Variants in CHD2 observed in about 807,000 individuals in gnomAD.
CHD2 encodes the protein chromodomain helicase DNA binding protein 2.
CHD2 carries 28 observed loss-of-function variants against 243.9 expected under a neutral mutation model. That is an observed-to-expected ratio of 0.11 (90% confidence interval 0.09 to 0.16). CHD2 has a LOEUF of 0.16. CHD2 is among the 10% of genes least tolerant of loss of function. The probability of loss-of-function intolerance (pLI) is 1.00; values close to 1 mark genes in which losing one functional copy is unlikely to be tolerated. For synonymous variants in CHD2, 775 were observed against 779.0 expected (o/e 0.99, Z 0.09); for missense variants, 1,386 against 2,209.8 (o/e 0.63, Z 7.47).
chr15:93,024,259 T>G, intron 38 of CHD2, 113 bp from the exon 39 acceptor site: 29 of 892,744 alleles, frequency 3.2e-5, no homozygotes, highest in Non-Finnish European at 4.8e-5. Flanking sequence ...CCTAATAATG[T>G]GAGCATTTGT....
At chr15:92,941,786 T>A (rs769798825) in intron 7 of CHD2, 36 bp from the exon 8 acceptor site, 86 of 1,604,944 alleles carry the variant, frequency 5.4e-5, no homozygotes, top group Non-Finnish European at 7.2e-5. Flanking sequence ...TCTGAAGAGA[T>A]CATTTCTCAT....
intron 1 of CHD2, 99 bp from the exon 2 acceptor site, chr15:92,901,068 G>T: frequency 1.6e-6 from 1 of 641,450 alleles, no homozygotes; most frequent in Non-Finnish European, 2.8e-6. Context: ...TACCGTTGTT[G>T]TGTTATAACA....
intron 2 of CHD2, among the ~76,000 whole-genome samples, chr15:92,903,645 A>G (rs2052563401): frequency 6.6e-6 from 1 of 152,224 alleles, no homozygotes; most frequent in African/African-American, 2.4e-5. Flanking sequence ...AGTTCTAATG[A>G]TGGACATACG....
intron 25 of CHD2, 144 bp from the exon 26 acceptor site, chr15:92,985,354 C>G: frequency 1.5e-6 from 1 of 685,304 alleles, no homozygotes; most frequent in East Asian, 2.9e-5. Context: ...AGACCTGTCT[C>G]CCCTTATTTG....
At chr15:92,975,000 GGGGAAAGTCTCTCTC>G in intron 20 of CHD2, 50 bp downstream of exon 20, 1 of 1,445,294 alleles carries the variant, frequency 6.9e-7, no homozygotes, top group Middle Eastern at 1.8e-4. Flanking sequence ...TCTGCATCAA[GGGGAAAGTCTCTCTC>G]GCTTAATGTA....
chr15:92,981,554 C>G, intron 24 of CHD2, 97 bp downstream of exon 24: 1 of 882,198 alleles, frequency 1.1e-6, no homozygotes, highest in Non-Finnish European at 1.8e-6. Context: ...CTCTGCTTTT[C>G]TCTTTACCTG....
chr15:92,977,153 A>C (rs1167558875), intron 20 of CHD2, among the ~76,000 whole-genome samples: 1 of 152,112 alleles, frequency 6.6e-6, no homozygotes, highest in Non-Finnish European at 1.5e-5. Flanking sequence ...TAAATTGTCC[A>C]CTGTTTATCT....
Position 93,009,132 on chromosome 15 carries a change from T to C in CHD2, c.4414-13T>C, listed in dbSNP as rs1301358931. 1 of 1,613,508 alleles carries C rather than the reference T, an allele frequency of 6.2e-7. No individual in the cohort carries two copies. Among genetic ancestry groups the C allele is most frequent in the East Asian group, 2.2e-5 (1 of 44,872 alleles). Reference sequence around the variant, plus strand: ...CAGATTGTTTATGTCTTTACTCTGTTGTCCTGTTGCAGTGTAAGGAGAGGA... The same window carrying C: ...CAGATTGTTTATGTCTTTACTCTGTCGTCCTGTTGCAGTGTAAGGAGAGGA... On this transcript the variant is annotated splice_polypyrimidine_tract_variant and intron_variant, in intron 34 of 38. Coordinates refer to ENST00000394196, the MANE Select transcript of CHD2 (RefSeq NM_001271.4).
Position 93,027,801 on chromosome 15 carries a change from T to C in CHD2, c.*3096T>C, listed in dbSNP as rs2054598112. On this transcript the variant is annotated 3_prime_UTR_variant, in exon 39 of 39. Transcript: ENST00000394196. ...CATCTGGGGACAGATGGTTTTTCTT[T>C]ATTGTAAAATTGTGGACTTTTAAAA... 6.6e-6 allele frequency: 1 copy of C among 152,644 alleles called. No homozygotes were observed. The highest frequency in any genetic ancestry group is 1.5e-5 in the Non-Finnish European group (1 of 68,044). The allele number at this position is 152,644 out of a possible 1,614,324, so 9.5% of individuals were successfully genotyped here. A position where few individuals can be genotyped will look rare whatever the true frequency, so the allele number is the denominator to read the frequency against.
At chr15:92,906,097 A>G (rs979540219) in intron 2 of CHD2, among the ~76,000 whole-genome samples, 2 of 152,240 alleles carry the variant, frequency 1.3e-5, no homozygotes, top group East Asian at 1.9e-4. Context: ...TGATATAACA[A>G]TTTACCTATT....
At chr15:92,977,079 A>G (rs1214871544) in intron 20 of CHD2, among the ~76,000 whole-genome samples, 1 of 152,162 alleles carries the variant, frequency 6.6e-6, no homozygotes, top group Non-Finnish European at 1.5e-5. Context: ...AGAGTGATAT[A>G]GCAGATTGTT....
At chr15:92,982,820 G>A (rs2053996405) in intron 24 of CHD2, among the ~76,000 whole-genome samples, 1 of 152,186 alleles carries the variant, frequency 6.6e-6, no homozygotes, top group Non-Finnish European at 1.5e-5. Context: ...TAATGGGTTA[G>A]GATGCAGAGG....
At chr15:92,954,017 A>G (rs543264096) in intron 14 of CHD2, 1 of 157,788 alleles carries the variant, frequency 6.3e-6, no homozygotes, top group Non-Finnish European at 1.4e-5. Flanking sequence ...AAAGTAAAGG[A>G]AAACAAGCTA....
intron 2 of CHD2, among the ~76,000 whole-genome samples, chr15:92,905,599 C>G (rs1019310791): frequency 3.9e-5 from 6 of 152,128 alleles, no homozygotes; most frequent in African/African-American, 1.2e-4. Flanking sequence ...TGTCAAGTTT[C>G]TGAATACAGT....
intron 20 of CHD2, among the ~76,000 whole-genome samples, chr15:92,976,758 G>A (rs768447170): frequency 2.3e-4 from 35 of 151,440 alleles, no homozygotes; most frequent in Non-Finnish European, 4.0e-4. Flanking sequence ...AAAATGAGCC[G>A]TGCATAGTAT....
At chr15:92,992,776 A>G (rs2141861434) in intron 27 of CHD2, 83 bp from the exon 28 acceptor site, 9 of 1,536,210 alleles carry the variant, frequency 5.9e-6, no homozygotes, top group Admixed American at 5.4e-5. Flanking sequence ...GGAGAAGATT[A>G]TGTGAGGCCT....
Position 92,904,522 on chromosome 15 carries a change from TC to T in CHD2, c.62+3225del, listed in dbSNP as rs1164322216. 12 of 996,542 alleles carry T rather than the reference TC, an allele frequency of 1.2e-5. No individual in the cohort carries two copies. The East Asian group carries it at 5.5e-4, about 45-fold the overall frequency. The allele number at this position is 996,542 out of a possible 1,614,324, so 61.7% of individuals were successfully genotyped here. On this transcript the variant is annotated intron_variant, in intron 2 of 38. Coordinates refer to ENST00000394196, the MANE Select transcript of CHD2 (RefSeq NM_001271.4). ...AGGAAGGGAACTCTAGTTGGGACTT[TC>T]CGGTGGGCGGCTTCTTTCCTGGACG...
chr15:92,954,601 G>T (rs2053594820), intron 14 of CHD2, among the ~76,000 whole-genome samples: 1 of 152,068 alleles, frequency 6.6e-6, no homozygotes, highest in East Asian at 1.9e-4. Flanking sequence ...TTAGTTAACC[G>T]TTAAAGACGA....
chr15:93,020,375 C>T (rs1287624404), intron 38 of CHD2, 117 bp downstream of exon 38: 3 of 1,287,582 alleles, frequency 2.3e-6, no homozygotes, highest in African/African-American at 1.5e-5. Context: ...TCTCATCATG[C>T]ATGTGTCAGC....
Sources: gnomAD v4.1 joint callset for allele counts (sites outside exome capture counted in the v4.1 genomes callset) on GRCh38, gnomAD v4.1.1 for gene constraint, MANE v1.5 for transcripts, NCBI Gene and HGNC (gene_info 2026-07-23, HGNC 2026-07-21) for gene names.